Variants in ANKRD17 observed in about 807,000 individuals in gnomAD.
The protein encoded by ANKRD17 is ankyrin repeat domain-containing protein 17.
A neutral mutation model predicts 229.7 loss-of-function variants in ANKRD17; 19 were observed. The observed-to-expected ratio is 0.08, with a 90% CI of 0.06 to 0.12. The LOEUF (loss-of-function observed/expected upper bound fraction) is 0.12. Among genes scored for constraint, ANKRD17 ranks in the 10% least tolerant of loss-of-function variants. ANKRD17 has a pLI of 1.00. For missense variants in ANKRD17, 2,176 were observed against 3,176.8 expected (o/e 0.68, Z 7.57); for synonymous variants, 1,112 against 1,146.1 (o/e 0.97, Z 0.60).
chr4:73,090,009 G>A (rs1457064958), intron 29 of ANKRD17, among the ~76,000 whole-genome samples: 10 of 152,100 alleles, frequency 6.6e-5, no homozygotes, highest in Admixed American at 2.0e-4. Flanking sequence ...AAGATAATGC[G>A]AAATGAAACC....
At chr4:73,159,591 T>G (rs1439588097) in intron 3 of ANKRD17, among the ~76,000 whole-genome samples, 5 of 152,240 alleles carry the variant, frequency 3.3e-5, no homozygotes, top group Non-Finnish European at 7.3e-5. Context: ...ATGTTCTATT[T>G]TTTTTGCTGT....
chr4:73,180,793 C>T (rs1279659229), intron 1 of ANKRD17, among the ~76,000 whole-genome samples: 1 of 152,176 alleles, frequency 6.6e-6, no homozygotes, highest in African/African-American at 2.4e-5. Flanking sequence ...ACCAGAATTG[C>T]TTTAGCTGTT....
Position 73,098,184 on chromosome 4 carries a change from T to C in ANKRD17, c.4910A>G (p.Asn1637Ser), listed in dbSNP as rs763017450. The change falls in exon 26 of 34, where the codon AAT (asparagine) becomes AGT (serine). Residue 1637 changes from asparagine to serine, a missense_variant. By Grantham distance (46) the Asn-to-Ser change is conservative (BLOSUM62 1). Around this residue, in one of 18 missense-constraint regions of ANKRD17, gnomAD observed 98 missense variants for 101.0 expected, o/e 0.97. Coordinates refer to ENST00000358602, the MANE Select transcript of ANKRD17 (RefSeq NM_032217.5). ...GGTAGTGACCACAGCTGGTGAATGA[T>C]TGTCACTCTTACGACTGCTGTTGCT... ...SNSNSSRKSD[N>S]HSPAVVTTTV... 5.6e-6 allele frequency: 9 copies of C among 1,614,104 alleles called. No homozygotes were observed. Among genetic ancestry groups the C allele is most frequent in the East Asian group, 4.5e-5 (2 of 44,896 alleles).
intron 1 of ANKRD17, among the ~76,000 whole-genome samples, chr4:73,248,462 T>G (rs1454409698): frequency 6.6e-6 from 1 of 151,976 alleles, no homozygotes; most frequent in East Asian, 1.9e-4. Context: ...TCAACAAAAT[T>G]TAAATTTTAT....
intron 8 of ANKRD17, among the ~76,000 whole-genome samples, chr4:73,148,584 G>C (rs1038047695): frequency 6.6e-6 from 1 of 151,974 alleles, no homozygotes; most frequent in African/African-American, 2.4e-5. Context: ...TCTGTTTTTC[G>C]TTCACATATA....
At chr4:73,151,576 A>AT in intron 6 of ANKRD17, 52 bp from the exon 7 acceptor site, 2 of 1,270,362 alleles carry the variant, frequency 1.6e-6, no homozygotes, top group Non-Finnish European at 2.1e-6. Context: ...ATTCCAAAAT[A>AT]TTTTTTAAAA....
At chr4:73,189,537 C>T (rs1736766359) in intron 1 of ANKRD17, among the ~76,000 whole-genome samples, 1 of 151,132 alleles carries the variant, frequency 6.6e-6, no homozygotes, top group Non-Finnish European at 1.5e-5. Context: ...GCTGGGACTA[C>T]AGGCGGTCAC....
chr4:73,100,717 A>G (rs182967748), intron 25 of ANKRD17: 29 of 470,240 alleles, frequency 6.2e-5, no homozygotes, highest in African/African-American at 4.9e-4. Flanking sequence ...TGTGTGCCAA[A>G]ATGTTTTAAA....
intron 1 of ANKRD17, among the ~76,000 whole-genome samples, chr4:73,224,672 A>G (rs1742278821): frequency 6.6e-6 from 1 of 152,192 alleles, no homozygotes; most frequent in South Asian, 2.1e-4. Flanking sequence ...CTTTTTATAT[A>G]TTAACTCATT....
intron 2 of ANKRD17, among the ~76,000 whole-genome samples, chr4:73,175,365 C>T (rs1315020915): frequency 6.6e-6 from 1 of 152,174 alleles, no homozygotes; most frequent in Non-Finnish European, 1.5e-5. Flanking sequence ...TCACCTCCCA[C>T]TGGGCTCCTC....
intron 1 of ANKRD17, among the ~76,000 whole-genome samples, chr4:73,185,822 CTT>C (rs1254892842): frequency 2.6e-5 from 4 of 151,926 alleles, no homozygotes; most frequent in East Asian, 1.9e-4. Flanking sequence ...CAACAACAGT[CTT>C]AATTTTGGTT....
chr4:73,200,549 C>G (rs1472331202), intron 1 of ANKRD17, among the ~76,000 whole-genome samples: 3 of 152,022 alleles, frequency 2.0e-5, no homozygotes, highest in African/African-American at 7.2e-5. Flanking sequence ...GATACTAATA[C>G]CAGGTGAAGG....
intron 6 of ANKRD17, among the ~76,000 whole-genome samples, chr4:73,152,488 A>AGGAAG (rs1731126108): frequency 6.6e-6 from 1 of 151,918 alleles, no homozygotes; most frequent in Non-Finnish European, 1.5e-5. Context: ...CCAGAAGGAG[A>AGGAAG]GGAAGGGAAG....
chr4:73,187,807 C>G (rs1212482669), intron 1 of ANKRD17, among the ~76,000 whole-genome samples: 1 of 152,098 alleles, frequency 6.6e-6, no homozygotes, highest in Admixed American at 6.5e-5. Context: ...ACAAAGATTT[C>G]TGATTATTTT....
At chr4:73,158,906 T>C (rs188965576) in intron 3 of ANKRD17, among the ~76,000 whole-genome samples, 2 of 152,246 alleles carry the variant, frequency 1.3e-5, no homozygotes, top group East Asian at 1.9e-4. Flanking sequence ...TGCAGCCCCT[T>C]GACCATGGAC....
chr4:73,092,952 A>G (rs1039520502), intron 28 of ANKRD17, among the ~76,000 whole-genome samples: 1 of 152,148 alleles, frequency 6.6e-6, no homozygotes, highest in African/African-American at 2.4e-5. Context: ...AAAATATTTG[A>G]TATTTATGGA....
intron 2 of ANKRD17, among the ~76,000 whole-genome samples, chr4:73,165,653 AC>A (rs2148936014): frequency 6.6e-6 from 1 of 152,326 alleles, no homozygotes; most frequent in East Asian, 1.9e-4. Flanking sequence ...AGCATTGTTG[AC>A]CTAAAGACAG....
chr4:73,141,442 G>T (rs901155694), intron 14 of ANKRD17, among the ~76,000 whole-genome samples: 1 of 152,026 alleles, frequency 6.6e-6, no homozygotes, highest in Non-Finnish European at 1.5e-5. Context: ...TAAAAATATT[G>T]CTCAACTATA....
chr4:73,144,685 C>A, intron 11 of ANKRD17, 60 bp downstream of exon 11: 1 of 1,186,132 alleles, frequency 8.4e-7, no homozygotes, highest in South Asian at 1.7e-5. Flanking sequence ...CCTTAAATCT[C>A]TAAATGAAGG....
Sources: allele counts gnomAD v4.1 joint callset (sites outside exome capture counted in the v4.1 genomes callset), GRCh38; gene constraint gnomAD v4.1.1; regional missense constraint gnomAD v4.1.1; transcripts MANE v1.5; gene names NCBI Gene and HGNC (gene_info 2026-07-23, HGNC 2026-07-21).